The following FKBP1A variants were observed in gnomAD, a reference collection of about 807,000 sequenced individuals.
FKBP1A encodes peptidyl-prolyl cis-trans isomerase FKBP1A.
A neutral mutation model predicts 14.2 loss-of-function variants in FKBP1A; 5 were observed. That is an observed-to-expected ratio of 0.35 (90% CI 0.18 to 0.74). The LOEUF is 0.74. Among genes scored for constraint, FKBP1A ranks in the 30% least tolerant of loss-of-function variants. FKBP1A has a pLI of 0.56. For synonymous variants in FKBP1A, 42 were observed against 49.1 expected, an observed-to-expected ratio of 0.86 and a Z score of 0.60; for missense variants, 53 against 138.8, an observed-to-expected ratio of 0.38 and a Z score of 3.10.
chr20:1,385,320 G>A (rs6131443), intron 2 of FKBP1A, among the ~76,000 whole-genome samples: 23,907 of 152,108 alleles, frequency 0.16, 3,115 homozygotes, highest in East Asian at 0.69. Context: ...AACCCGGGAG[G>A]CAGAGGTTGC....
At chr20:1,373,832 A>G (rs1057456703) in intron 3 of FKBP1A, among the ~76,000 whole-genome samples, 50 of 146,220 alleles carry the variant, frequency 3.4e-4, no homozygotes, top group Admixed American at 3.3e-3. Flanking sequence ...CAGATCCAAG[A>G]GCCAGACAGA....
intron 2 of FKBP1A, among the ~76,000 whole-genome samples, chr20:1,381,049 G>T (rs547149104): frequency 2.1e-4 from 32 of 152,300 alleles, no homozygotes; most frequent in African/African-American, 7.5e-4. Flanking sequence ...GTGACCTCGA[G>T]TTGGGTGAAG....
At chr20:1,371,847 CA>C in intron 4 of FKBP1A, 1 of 1,228,460 alleles carries the variant, frequency 8.1e-7, no homozygotes. Context: ...CTGCCATCTC[CA>C]TGAGTTGAAC....
At chr20:1,375,428 A>T in intron 3 of FKBP1A, 63 bp downstream of exon 3, 1 of 1,186,318 alleles carries the variant, frequency 8.4e-7, no homozygotes. Flanking sequence ...TAAATATGCC[A>T]CCTATAAAAA....
rs2089674285 is a variant in FKBP1A, at chr20:1,386,926, C to A, written c.85+5908G>T. On this transcript the variant is annotated intron_variant, in intron 2 of 4. Coordinates refer to ENST00000400137, the MANE Select transcript of FKBP1A (RefSeq NM_000801.5). This position sits in a 1 kb window ranked among gnomAD's most constrained non-coding sequence, Gnocchi z 4.7. The stretch of plus-strand genomic sequence containing the variant: ...TTAGCAGGAAAAGAAAACAAAAAAA[C>A]AGAAGAAAAAATAGAAGTAAAAATA... Among the ~76,000 whole-genome samples, 1 of 152,040 alleles carries A rather than the reference C, an allele frequency of 6.6e-6. No homozygotes were observed. The highest frequency in any genetic ancestry group is 2.1e-4 in the South Asian group (1 of 4,830).
At chr20:1,370,125 G>A in intron 4 of FKBP1A, 53 bp from the exon 5 acceptor site, 1 of 1,535,656 alleles carries the variant, frequency 6.5e-7, no homozygotes, top group Non-Finnish European at 8.7e-7. Flanking sequence ...TTCTTTGTGT[G>A]CAGTGGCGAC....
chr20:1,378,508 G>A (rs2089578532), intron 2 of FKBP1A: 1 of 152,060 alleles, frequency 6.6e-6, no homozygotes, highest in Non-Finnish European at 1.5e-5. Flanking sequence ...CACCAAGAGT[G>A]AACCCTAATG....
intron 2 of FKBP1A, chr20:1,378,046 G>C (rs982256533): frequency 7.7e-6 from 1 of 130,280 alleles, no homozygotes; most frequent in South Asian, 2.5e-4. Flanking sequence ...TCCCCTATAC[G>C]GGTCAGTTTG....
chr20:1,381,397 CACT>C (rs769633589), intron 2 of FKBP1A, among the ~76,000 whole-genome samples: 15 of 152,306 alleles, frequency 9.8e-5, no homozygotes, highest in Admixed American at 4.6e-4. Flanking sequence ...CATCTACCAC[CACT>C]GATTAGAATG....
chr20:1,371,613 A>G, intron 4 of FKBP1A: 1 of 694,334 alleles, frequency 1.4e-6, no homozygotes, highest in African/African-American at 1.9e-5. Flanking sequence ...AGTAACCACA[A>G]ACCACAGTGA....
chr20:1,375,468 A>G (rs1390502730), intron 3 of FKBP1A, 23 bp downstream of exon 3: 1 of 1,551,284 alleles, frequency 6.4e-7, no homozygotes, highest in East Asian at 2.2e-5. Flanking sequence ...AGAAAGCAAA[A>G]CAAAACAAAT....
At position 1,370,303 on chromosome 20, in the gene FKBP1A, A is replaced by G. The variant is rs551973588; in HGVS notation, c.*37-231T>C. ...TGTGTGTTTTGTTTAATCTAAGGTT[A>G]AGTTTGCCTTGCTGAGGACAGCAGG... On this transcript the variant is annotated intron_variant, in intron 4 of 4. Transcript: ENST00000400137. 30 of 985,444 alleles carry G rather than the reference A, an allele frequency of 3.0e-5. No homozygotes were observed. In the Admixed American group the frequency reaches 7.4e-4, roughly 24 times the overall value. 61.0% of individuals were successfully genotyped at this position (985,444 alleles called of 1,614,324 possible).
At chr20:1,381,920 G>A (rs2089620542) in intron 2 of FKBP1A, among the ~76,000 whole-genome samples, 1 of 152,186 alleles carries the variant, frequency 6.6e-6, no homozygotes, top group South Asian at 2.1e-4. Context: ...GGAGGGTAAG[G>A]AGGGGTGAAT....
At chr20:1,370,114 GTTCT>G (rs112687529) in intron 4 of FKBP1A, 42 bp from the exon 5 acceptor site, 30 of 1,540,434 alleles carry the variant, frequency 1.9e-5, no homozygotes, top group African/African-American at 2.7e-5. Context: ...GCAACTCAGT[GTTCT>G]TTGTGTGCAG....
At chr20:1,371,993 TC>T in intron 4 of FKBP1A, 82 bp downstream of exon 4, 1 of 1,513,666 alleles carries the variant, frequency 6.6e-7, no homozygotes, top group Non-Finnish European at 8.8e-7. Context: ...TGTTTTTTGT[TC>T]TCTCTGCTAC....
Position 1,369,964 on chromosome 20 carries a change from A to G in FKBP1A, c.*145T>C. ...CGGAAGCAAAGCTGAGTGACAGAAC[A>G]CATTCAGTCAGGGCAGATGTCTATA... On this transcript the variant is annotated 3_prime_UTR_variant, in exon 5 of 5. Transcript: ENST00000400137. 1 of 1,485,150 alleles carries G rather than the reference A, an allele frequency of 6.7e-7. No individual in the cohort carries two copies. Among genetic ancestry groups the G allele is most frequent in the Non-Finnish European group, 9.1e-7 (1 of 1,098,148 alleles). The allele number at this position is 1,485,150 out of a possible 1,614,324, so 92.0% of individuals were successfully genotyped here. A position where few individuals can be genotyped will look rare whatever the true frequency, so the allele number is the denominator to read the frequency against.
At chr20:1,383,325 C>A (rs2089636128) in intron 2 of FKBP1A, among the ~76,000 whole-genome samples, 2 of 146,368 alleles carry the variant, frequency 1.4e-5, no homozygotes, top group Non-Finnish European at 1.5e-5. Context: ...TTTACAGGGA[C>A]AAAATATGGG....
chr20:1,370,151 T>A, intron 4 of FKBP1A, 79 bp from the exon 5 acceptor site: 1 of 1,519,280 alleles, frequency 6.6e-7, no homozygotes, highest in Non-Finnish European at 8.8e-7. Context: ...CGATGCCATC[T>A]GCCACGCCAA....
chr20:1,376,064 C>T (rs2089538852), intron 2 of FKBP1A, among the ~76,000 whole-genome samples: 1 of 152,188 alleles, frequency 6.6e-6, no homozygotes, highest in Non-Finnish European at 1.5e-5. Flanking sequence ...ATATATTGCT[C>T]CTCCATTGTT....
Sources: allele counts gnomAD v4.1 joint callset (sites outside exome capture counted in the v4.1 genomes callset), GRCh38; gene constraint gnomAD v4.1.1; non-coding constraint Gnocchi (gnomAD v3.1); transcripts MANE v1.5; gene names NCBI Gene and HGNC (gene_info 2026-07-23, HGNC 2026-07-21).